The following RBBP4 variants were observed in gnomAD, a reference collection of about 807,000 sequenced individuals.
The protein encoded by RBBP4 is histone-binding protein RBBP4.
A neutral mutation model predicts 57.2 loss-of-function variants in RBBP4; 3 were observed. The ratio of observed to expected loss-of-function variants is 0.05; its 90% confidence interval spans 0.02 to 0.14. The LOEUF is 0.14. Among genes scored for constraint, RBBP4 ranks in the 10% least tolerant of loss-of-function variants. RBBP4 has a pLI of 1.00. For synonymous variants in RBBP4, 151 were observed against 171.5 expected, an observed-to-expected ratio of 0.88 and a Z score of 0.93; for missense variants, 107 against 520.6, an observed-to-expected ratio of 0.21 and a Z score of 7.73.
chr1:32,681,738 C>T lies in RBBP4; in HGVS notation c.*2033C>T. On this transcript the variant is annotated 3_prime_UTR_variant, in exon 12 of 12. Coordinates refer to ENST00000373493, the MANE Select transcript of RBBP4 (RefSeq NM_005610.3). ...CAACTTCCACAGGATGAATTGCTTG[C>T]CAAGTTTCTGGCACTCTTGTCTGGT... 1.3e-6 allele frequency: 2 copies of T among 1,576,002 alleles called. No homozygotes were observed. Among genetic ancestry groups the T allele is most frequent in the Non-Finnish European group, 1.7e-6 (2 of 1,148,378 alleles).
chr1:32,671,101 A>G (rs1348085968), intron 8 of RBBP4, among the ~76,000 whole-genome samples: 1 of 152,212 alleles, frequency 6.6e-6, no homozygotes, highest in East Asian at 1.9e-4. Context: ...TTGGATATAT[A>G]GTAGTAAATT....
At chr1:32,670,519 A>G (rs620713) in intron 8 of RBBP4, among the ~76,000 whole-genome samples, 148,190 of 152,282 alleles carry the variant, frequency 0.97, 72,235 homozygotes, top group East Asian at 1. Context: ...GGCACTATGA[A>G]AGATTACGTT....
chr1:32,655,013 A>G lies in RBBP4; in HGVS notation c.165-2414A>G, dbSNP rs534984934. On this transcript the variant is annotated intron_variant, in intron 2 of 11. Transcript: ENST00000373493. ...CCTGGCTGAAAATTGTTTTTGAGACAGGATCTTGCTTTGTTGCCCAGACTG... is the reference window on the plus strand; with the variant it reads ...CCTGGCTGAAAATTGTTTTTGAGACGGGATCTTGCTTTGTTGCCCAGACTG... Among the ~76,000 whole-genome samples the G allele has an allele frequency of 6.6e-5, 10 of 152,080 alleles. No individual in the cohort carries two copies. The South Asian group carries it at 1.5e-3, about 22-fold the overall frequency.
intron 4 of RBBP4, 157 bp from the exon 5 acceptor site, chr1:32,668,582 A>T (rs1236192805): frequency 3.6e-6 from 3 of 837,984 alleles, no homozygotes; most frequent in Non-Finnish European, 3.7e-6. Context: ...AGAACAAAAT[A>T]CTGGTGCTGT....
chr1:32,670,836 C>G (rs1053362852), intron 8 of RBBP4, among the ~76,000 whole-genome samples: 8 of 152,170 alleles, frequency 5.3e-5, no homozygotes, highest in Non-Finnish European at 7.3e-5. Flanking sequence ...AAGATTAATT[C>G]TGGTGTGTGA....
At chr1:32,673,635 A>T (rs1411330140) in intron 11 of RBBP4, 1 of 258,750 alleles carries the variant, frequency 3.9e-6, no homozygotes, top group African/African-American at 2.4e-5. Flanking sequence ...AGACGGTTTC[A>T]CTATGTTGGC....
At chr1:32,668,570 A>G (rs1465760283) in intron 4 of RBBP4, 169 bp from the exon 5 acceptor site, 19 of 846,988 alleles carry the variant, frequency 2.2e-5, no homozygotes, top group Non-Finnish European at 2.9e-5. Flanking sequence ...GCTTTTTTAC[A>G]TAGAACAAAA....
intron 3 of RBBP4, among the ~76,000 whole-genome samples, chr1:32,666,003 G>A (rs1401764110): frequency 6.6e-6 from 1 of 152,172 alleles, no homozygotes; most frequent in African/African-American, 2.4e-5. Context: ...TGGTACTTGA[G>A]AGAACTCTCT....
intron 1 of RBBP4, 156 bp from the exon 2 acceptor site, chr1:32,651,758 C>T: frequency 2.1e-6 from 2 of 956,734 alleles, no homozygotes; most frequent in South Asian, 3.4e-5. Flanking sequence ...AGTTTCGGCG[C>T]CGCGAAAGTG....
intron 3 of RBBP4, among the ~76,000 whole-genome samples, chr1:32,666,362 A>T (rs985188326): frequency 1.4e-5 from 2 of 139,958 alleles, no homozygotes; most frequent in African/African-American, 5.2e-5. Context: ...TGAAAACTTT[A>T]TTTTTTTTTT....
chr1:32,651,297 C>T lies in RBBP4; in HGVS notation c.-10C>T. 6.8e-7 allele frequency: 1 copy of T among 1,480,436 alleles called. No individual in the cohort carries two copies. 91.7% of individuals were successfully genotyped at this position (1,480,436 alleles called of 1,614,324 possible). ...TCGACCCCAGGATTCCCCCGGCTCG[C>T]CTGCCCGCCATGGCCGACAAGGAAG... On this transcript the variant is annotated 5_prime_UTR_variant, in exon 1 of 12. Coordinates refer to ENST00000373493, the MANE Select transcript of RBBP4 (RefSeq NM_005610.3).
chr1:32,683,873 TCCACCCTCC>T lies in RBBP4; in HGVS notation c.*4169_*4177del, dbSNP rs1221169857. ...GTCTTGAACTCCTGACTCCAGGTGATCCACCCTCCTCAGCCTCCCAAAGTGCTAGGATTA... is the reference window on the plus strand; with the variant it reads ...GTCTTGAACTCCTGACTCCAGGTGATTCAGCCTCCCAAAGTGCTAGGATTA... On this transcript the variant is annotated 3_prime_UTR_variant, in exon 12 of 12. Transcript: ENST00000373493. The T allele has an allele frequency of 6.5e-6, 5 of 767,692 alleles. No individual in the cohort carries two copies. Among genetic ancestry groups the T allele is most frequent in the East Asian group, 2.6e-5 (1 of 38,072 alleles). The allele number at this position is 767,692 out of a possible 1,614,324, so 47.6% of individuals were successfully genotyped here.
intron 11 of RBBP4, among the ~76,000 whole-genome samples, chr1:32,676,924 CAG>C (rs367950874): frequency 6.6e-6 from 1 of 151,960 alleles, no homozygotes; most frequent in South Asian, 2.1e-4. Flanking sequence ...GCCTGGGTGA[CAG>C]AGCGAGACCC....
Position 32,679,621 on chromosome 1 carries a change from T to G in RBBP4, c.1213-19T>G, listed in dbSNP as rs746667371. On this transcript the variant is annotated intron_variant, in intron 11 of 11. Transcript: ENST00000373493. ...GAAGAAGTCTTCATGTTTAAATTCT[T>G]TTTCTTGTTTTTGGGCAGGCAGAGA... 3 of 1,559,004 alleles carry G rather than the reference T, an allele frequency of 1.9e-6. No individual in the cohort carries two copies. Among genetic ancestry groups the G allele is most frequent in the Admixed American group, 4.4e-5 (2 of 45,630 alleles).
In RBBP4 at chr1:32,681,861, C is replaced by T. The variant is rs574336413; in HGVS notation, c.*2156C>T. On this transcript the variant is annotated 3_prime_UTR_variant, in exon 12 of 12. Transcript: ENST00000373493. ...TTGGCCATATATTTCTAAACAGCCCCTGTAAAGTTGAAAGAAAAAGTTTAT... is the reference window on the plus strand; with the variant it reads ...TTGGCCATATATTTCTAAACAGCCCTTGTAAAGTTGAAAGAAAAAGTTTAT... The T allele has an allele frequency of 3.1e-6, 5 of 1,614,052 alleles. No homozygotes were observed. The African/African-American group carries it at 4.0e-5, about 13-fold the overall frequency.
chr1:32,671,456 G>A (rs913166071), intron 8 of RBBP4, among the ~76,000 whole-genome samples: 1 of 152,062 alleles, frequency 6.6e-6, no homozygotes, highest in Non-Finnish European at 1.5e-5. Context: ...GGTGGTGCAC[G>A]CCTGTAATCC....
rs532515823 is a variant in RBBP4, at chr1:32,670,433, AG to A, written c.966+872del. 1.1e-3 allele frequency among the ~76,000 whole-genome samples: 171 copies of A among 152,282 alleles called. 1 individual carries two copies. The highest frequency in any genetic ancestry group is 4.0e-3 in the African/African-American group (165 of 41,552). On this transcript the variant is annotated intron_variant, in intron 8 of 11. Coordinates refer to ENST00000373493, the MANE Select transcript of RBBP4 (RefSeq NM_005610.3). Reference sequence around the variant, plus strand: ...CATGTGGGAGTTTATATCCTGCTCAAGGTTATCGCCCAGGTCTGATTGCAAA... The same window carrying A: ...CATGTGGGAGTTTATATCCTGCTCAAGTTATCGCCCAGGTCTGATTGCAAA...
In RBBP4 at chr1:32,672,703, T is replaced by C. The variant is rs753802593; in HGVS notation, c.1101+4T>C. ...AGACGGGCCACCAGAGTTGTTGGTATGTTAAAAGCATTGGACAGTACTGAA... is the reference window on the plus strand; with the variant it reads ...AGACGGGCCACCAGAGTTGTTGGTACGTTAAAAGCATTGGACAGTACTGAA... On this transcript the variant is annotated splice_donor_region_variant and intron_variant, in intron 10 of 11. Coordinates refer to ENST00000373493, the MANE Select transcript of RBBP4 (RefSeq NM_005610.3). 3 of 1,613,536 alleles carry C rather than the reference T, an allele frequency of 1.9e-6. No homozygotes were observed. The highest frequency in any genetic ancestry group is 2.7e-5 in the African/African-American group (2 of 74,944).
At chr1:32,659,508 C>T (rs887992570) in intron 3 of RBBP4, among the ~76,000 whole-genome samples, 1 of 146,276 alleles carries the variant, frequency 6.8e-6, no homozygotes, top group African/African-American at 2.6e-5. Context: ...TGCAGTGAGC[C>T]GAGATCTCAC....
Sources: allele counts gnomAD v4.1 joint callset (sites outside exome capture counted in the v4.1 genomes callset), GRCh38; gene constraint gnomAD v4.1.1; transcripts MANE v1.5; gene names NCBI Gene and HGNC (gene_info 2026-07-23, HGNC 2026-07-21).